Variants in LRFN5 observed in about 807,000 individuals in gnomAD.
LRFN5 encodes the protein leucine rich repeat and fibronectin type III domain containing 5, also known as leucine-rich repeat and fibronectin type-III domain-containing protein 5.
Under a neutral mutation model 45.6 loss-of-function variants are expected in LRFN5, and 24 were observed. The observed-to-expected ratio is 0.53, with a 90% CI of 0.38 to 0.74. The LOEUF (loss-of-function observed/expected upper bound fraction) is 0.74. Ranked by LOEUF, LRFN5 falls within the 30% of genes least tolerant of loss-of-function variation. The pLI is 0.00. For synonymous variants in LRFN5, 340 were observed against 313.8 expected (o/e 1.08, Z -0.88); for missense variants, 776 against 861.5 (o/e 0.90, Z 1.24).
intron 2 of LRFN5, among the ~76,000 whole-genome samples, chr14:41,843,112 G>T (rs1594457651): frequency 1.5e-5 from 2 of 132,698 alleles, no homozygotes; most frequent in Non-Finnish European, 3.1e-5. Context: ...TTAATACTGA[G>T]TCTCACTCTG....
Position 41,887,563 on chromosome 14 carries a change from A to G in LRFN5, c.938A>G (p.Asp313Gly). ...ACACTGAGGTGCAAAGCCAGGGGAG[A>G]CCCTGAGCCTGCAATTCACTGGATT... ...RATLRCKARG[D>G]PEPAIHWISP... The change falls in exon 3 of 6, where the codon GAC becomes GGC. Residue 313 changes from aspartate (D) to glycine (G), a missense_variant. This residue lies in a region of LRFN5 where 311 missense variants were observed against 405.1 expected (regional missense o/e 0.77). Coordinates refer to ENST00000298119, the MANE Select transcript of LRFN5 (RefSeq NM_152447.5). The surrounding 1 kb of genome is among the most constrained non-coding windows in gnomAD (Gnocchi z 4.8). 6.2e-7 allele frequency: 1 copy of G among 1,614,146 alleles called. No individual in the cohort carries two copies. Among genetic ancestry groups the G allele is most frequent in the Non-Finnish European group, 8.5e-7 (1 of 1,180,022 alleles).
At chr14:41,846,514 A>C (rs904665858) in intron 2 of LRFN5, among the ~76,000 whole-genome samples, 1 of 152,320 alleles carries the variant, frequency 6.6e-6, no homozygotes, top group East Asian at 1.9e-4. Context: ...GATTCCATAT[A>C]CATACCATTC....
At chr14:41,893,240 T>C (rs1390090088) in intron 4 of LRFN5, 1 of 960,118 alleles carries the variant, frequency 1.0e-6, no homozygotes, top group Non-Finnish European at 1.2e-6. Context: ...AAACTAATGT[T>C]GCTCCTGGAT....
chr14:41,640,794 T>A (rs1879539603), intron 1 of LRFN5, among the ~76,000 whole-genome samples: 1 of 152,104 alleles, frequency 6.6e-6, no homozygotes, highest in African/African-American at 2.4e-5. Flanking sequence ...TTTCTCGAAT[T>A]TTATTGCCCT....
chr14:41,814,204 C>T (rs1280095734), intron 2 of LRFN5, among the ~76,000 whole-genome samples: 1 of 152,066 alleles, frequency 6.6e-6, no homozygotes, highest in South Asian at 2.1e-4. Context: ...GTTGCAATTG[C>T]TTTTGGTATT....
chr14:41,885,379 A>G (rs2139147945), intron 2 of LRFN5, among the ~76,000 whole-genome samples: 1 of 151,874 alleles, frequency 6.6e-6, no homozygotes, highest in Middle Eastern at 3.4e-3. Context: ...AACATATGAG[A>G]GCTTTTAATC....
intron 1 of LRFN5, among the ~76,000 whole-genome samples, chr14:41,706,258 G>A (rs1276133172): frequency 6.6e-6 from 1 of 151,890 alleles, no homozygotes. Context: ...GTGCCATCAC[G>A]ACTGGCTAAT....
chr14:41,848,762 C>T (rs765899672), intron 2 of LRFN5, among the ~76,000 whole-genome samples: 7 of 152,046 alleles, frequency 4.6e-5, no homozygotes, highest in Non-Finnish European at 1.0e-4. Context: ...CTGCTTTATT[C>T]AGTTCCCCAT....
At chr14:41,826,204 C>G (rs562643173) in intron 2 of LRFN5, among the ~76,000 whole-genome samples, 2 of 152,222 alleles carry the variant, frequency 1.3e-5, no homozygotes, top group East Asian at 3.9e-4. Flanking sequence ...CACACTAACT[C>G]ACTTATAGTT....
intron 1 of LRFN5, among the ~76,000 whole-genome samples, chr14:41,757,441 C>G (rs936099880): frequency 1.3e-5 from 2 of 152,206 alleles, no homozygotes; most frequent in African/African-American, 4.8e-5. Context: ...TTTACCTACT[C>G]AAGCCTCAGC....
In LRFN5 at chr14:41,694,814, G is replaced by A. The variant is rs75760362; in HGVS notation, c.-196-72040G>A. Among the ~76,000 whole-genome samples the A allele has an allele frequency of 7.3e-3, 1,110 of 151,598 alleles. 8 individuals carry two copies. The highest frequency in any genetic ancestry group is 0.025 in the African/African-American group (1,048 of 41,346). On this transcript the variant is annotated intron_variant, in intron 1 of 5. Coordinates refer to ENST00000298119, the MANE Select transcript of LRFN5 (RefSeq NM_152447.5). ...TGGTGTTACTATGTAATTATTTTGG[G>A]GGACCAAAAAACATTCCCATACAAG...
In LRFN5 at chr14:41,631,816, G is replaced by A. The variant is rs538004958; in HGVS notation, c.-197+23254G>A. Among the ~76,000 whole-genome samples, 9 of 152,276 alleles carry A rather than the reference G, an allele frequency of 5.9e-5. No individual in the cohort carries two copies. In the South Asian group the frequency reaches 1.2e-3, roughly 21 times the overall value. Reference sequence around the variant, plus strand: ...TATAAAATAGCCAAAGGGCAAATGCGGCTAAACAGAACTGAGTGAGCAGAA... The same window carrying A: ...TATAAAATAGCCAAAGGGCAAATGCAGCTAAACAGAACTGAGTGAGCAGAA... On this transcript the variant is annotated intron_variant, in intron 1 of 5. Transcript: ENST00000298119.
At chr14:41,834,726 A>G (rs1378870842) in intron 2 of LRFN5, among the ~76,000 whole-genome samples, 1 of 151,954 alleles carries the variant, frequency 6.6e-6, no homozygotes, top group Non-Finnish European at 1.5e-5. Context: ...CAGTGGCACA[A>G]TCAAGGCTTA....
chr14:41,758,425 A>C (rs1383135522), intron 1 of LRFN5, among the ~76,000 whole-genome samples: 1 of 152,192 alleles, frequency 6.6e-6, no homozygotes, highest in Non-Finnish European at 1.5e-5. Flanking sequence ...GTACTTTAAT[A>C]GTTAAGTTTC....
chr14:41,895,056 C>A (rs1890895232), intron 4 of LRFN5: 1 of 984,458 alleles, frequency 1.0e-6, no homozygotes, highest in Non-Finnish European at 1.2e-6. Flanking sequence ...AATGTGAGAA[C>A]AAACAAAATA....
intron 1 of LRFN5, among the ~76,000 whole-genome samples, chr14:41,752,394 G>A (rs112517769): frequency 0.011 from 1,625 of 152,262 alleles, 25 homozygotes; most frequent in African/African-American, 0.037. Flanking sequence ...GTGTAAAAGT[G>A]TTCCTATGTC....
At chr14:41,815,526 T>C (rs982743620) in intron 2 of LRFN5, among the ~76,000 whole-genome samples, 1 of 152,024 alleles carries the variant, frequency 6.6e-6, no homozygotes, top group African/African-American at 2.4e-5. Context: ...TCACTTGAAA[T>C]AAGGAGTTTG....
chr14:41,879,511 C>T (rs1166914206), intron 2 of LRFN5, among the ~76,000 whole-genome samples: 1 of 151,346 alleles, frequency 6.6e-6, no homozygotes, highest in Non-Finnish European at 1.5e-5. Flanking sequence ...CTATTTTTCT[C>T]TCTTTCTATA....
chr14:41,797,598 A>T (rs1465802184), intron 2 of LRFN5, among the ~76,000 whole-genome samples: 1 of 151,584 alleles, frequency 6.6e-6, no homozygotes, highest in Admixed American at 6.6e-5. Flanking sequence ...AATTTGCTAA[A>T]TTTCCAGCCA....
Sources: gnomAD v4.1 joint callset for allele counts (sites outside exome capture counted in the v4.1 genomes callset) on GRCh38, gnomAD v4.1.1 for gene constraint, gnomAD v4.1.1 regional missense constraint, Gnocchi (gnomAD v3.1) non-coding constraint, MANE v1.5 for transcripts, NCBI Gene and HGNC (gene_info 2026-07-23, HGNC 2026-07-21) for gene names.